The following ADAMTS12 variants were observed in gnomAD, a reference collection of about 807,000 sequenced individuals.
The protein encoded by ADAMTS12 is A disintegrin and metalloproteinase with thrombospondin motifs 12.
In ADAMTS12, 118 loss-of-function variants were observed where a neutral mutation model predicts 167.8. That is an observed-to-expected ratio of 0.70 (90% CI 0.61 to 0.82). The LOEUF is 0.82. Among genes scored for constraint, ADAMTS12 ranks in the 40% least tolerant of loss-of-function variants. ADAMTS12 has a pLI of 0.00. For synonymous variants in ADAMTS12, 704 were observed against 716.9 expected, an observed-to-expected ratio of 0.98 and a Z score of 0.29; for missense variants, 1,916 against 1,998.8, an observed-to-expected ratio of 0.96 and a Z score of 0.79.
At chr5:33,767,334 T>TA (rs1213588251) in intron 2 of ADAMTS12, among the ~76,000 whole-genome samples, 1 of 152,204 alleles carries the variant, frequency 6.6e-6, no homozygotes, top group Non-Finnish European at 1.5e-5. Context: ...CCACATCAGA[T>TA]ATATATTTCT....
intron 16 of ADAMTS12, among the ~76,000 whole-genome samples, chr5:33,600,106 G>A (rs1358792389): frequency 6.6e-6 from 1 of 152,104 alleles, no homozygotes; most frequent in African/African-American, 2.4e-5. Context: ...CTGTTTATCT[G>A]GAAGCACTTA....
intron 16 of ADAMTS12, among the ~76,000 whole-genome samples, chr5:33,608,437 A>T (rs556466385): frequency 2.0e-5 from 3 of 152,340 alleles, no homozygotes; most frequent in African/African-American, 7.2e-5. Context: ...GTCTTTTTAC[A>T]GATGTGCTTA....
At position 33,624,094 on chromosome 5, in the gene ADAMTS12, G is replaced by C. The variant is rs1353055441; in HGVS notation, c.2143+137C>G. 2.2e-6 allele frequency: 3 copies of C among 1,335,466 alleles called. No homozygotes were observed. In the African/African-American group the frequency reaches 4.4e-5, roughly 20 times the overall value. 82.7% of individuals were successfully genotyped at this position (1,335,466 alleles called of 1,614,324 possible). A position where few individuals can be genotyped will look rare whatever the true frequency, so the allele number is the denominator to read the frequency against. ...GAACCCTTCCTCCTTTGTGGTAAAG[G>C]CTATATTCCATTTTGAATACTTTGA... is the stretch of plus-strand genomic sequence containing the variant. On this transcript the variant is annotated intron_variant, in intron 14 of 23. Coordinates refer to ENST00000504830, the MANE Select transcript of ADAMTS12 (RefSeq NM_030955.4).
chr5:33,574,255 C>T (rs1746548473), intron 19 of ADAMTS12, among the ~76,000 whole-genome samples: 2 of 151,676 alleles, frequency 1.3e-5, no homozygotes, highest in South Asian at 4.2e-4. Flanking sequence ...GGGTATATAC[C>T]CAAAGGACTA....
In ADAMTS12 at chr5:33,843,321, G is replaced by C. The variant is rs931738917; in HGVS notation, c.489+37798C>G. ...CACAGTGCTAGGTTCCTGAGCCTGAGCAAGCTAAGGTGGACAGCCCCAGAG... is the reference window on the plus strand; with the variant it reads ...CACAGTGCTAGGTTCCTGAGCCTGACCAAGCTAAGGTGGACAGCCCCAGAG... On this transcript the variant is annotated intron_variant, in intron 2 of 23. Coordinates refer to ENST00000504830, the MANE Select transcript of ADAMTS12 (RefSeq NM_030955.4). Among the ~76,000 whole-genome samples, 4 of 152,246 alleles carry C rather than the reference G, an allele frequency of 2.6e-5. No homozygotes were observed. The South Asian group carries it at 8.3e-4, about 32-fold the overall frequency.
chr5:33,618,226 T>A (rs926427030), intron 14 of ADAMTS12, among the ~76,000 whole-genome samples: 1 of 152,186 alleles, frequency 6.6e-6, no homozygotes, highest in Non-Finnish European at 1.5e-5. Flanking sequence ...TGGATCCTCA[T>A]AAAGACCTTC....
At chr5:33,547,344 G>A (rs1745033920) in intron 21 of ADAMTS12, among the ~76,000 whole-genome samples, 1 of 151,984 alleles carries the variant, frequency 6.6e-6, no homozygotes, top group South Asian at 2.1e-4. Context: ...CCATTCTCGG[G>A]GTGGGACCTA....
intron 3 of ADAMTS12, among the ~76,000 whole-genome samples, chr5:33,748,822 G>T (rs1744880640): frequency 6.6e-6 from 1 of 152,102 alleles, no homozygotes; most frequent in South Asian, 2.1e-4. Flanking sequence ...TCTCTGCAGG[G>T]CAATATGGTA....
At position 33,534,943 on chromosome 5, in the gene ADAMTS12, A is replaced by G. The variant is rs376925681; in HGVS notation, c.4496T>C (p.Val1499Ala). ...GGFQKRTVQCVPSEGNKTEDQ... is the reference protein window; with the variant it reads ...GGFQKRTVQCAPSEGNKTEDQ... Reference sequence around the variant, plus strand: ...TTCAGTTTTATTGCCCTCTGAGGGCACACATTGGACAGTCCTCTTCTGAAA... The same window carrying G: ...TTCAGTTTTATTGCCCTCTGAGGGCGCACATTGGACAGTCCTCTTCTGAAA... The change falls in exon 23 of 24, where the codon GTG (valine) becomes GCG (alanine). Residue 1499 changes from valine (V) to alanine (A), a missense_variant. Physicochemically the swap from Val to Ala is moderately conservative, Grantham distance 64. Transcript: ENST00000504830. The G allele has an allele frequency of 5.0e-5, 80 of 1,613,760 alleles. No individual in the cohort carries two copies. The Middle Eastern group carries it at 8.2e-4, about 17-fold the overall frequency.
intron 22 of ADAMTS12, among the ~76,000 whole-genome samples, chr5:33,537,187 A>G (rs1561108445): frequency 6.6e-6 from 1 of 152,258 alleles, no homozygotes; most frequent in African/African-American, 2.4e-5. Flanking sequence ...ACAGATAAAC[A>G]TTCTAGCAAA....
At chr5:33,699,572 T>C (rs1742921686) in intron 3 of ADAMTS12, among the ~76,000 whole-genome samples, 2 of 152,158 alleles carry the variant, frequency 1.3e-5, no homozygotes, top group Non-Finnish European at 2.9e-5. Flanking sequence ...TTAAAATTAC[T>C]TTCTCTGCCC....
rs1744640772 is a variant in ADAMTS12 at position 33,742,774 on chromosome 5, A to G, written c.634+8630T>C. Among the ~76,000 whole-genome samples the G allele has an allele frequency of 2.0e-5, 3 of 149,492 alleles. No individual in the cohort carries two copies. The South Asian group carries it at 6.2e-4, about 31-fold the overall frequency. ...ATTTACTCATTCATTCATTCATTCA[A>G]CATTTACCAGATGCTCATGACTATG... On this transcript the variant is annotated intron_variant, in intron 3 of 23. Coordinates refer to ENST00000504830, the MANE Select transcript of ADAMTS12 (RefSeq NM_030955.4).
chr5:33,768,136 G>A (rs1185279356), intron 2 of ADAMTS12, among the ~76,000 whole-genome samples: 1 of 152,192 alleles, frequency 6.6e-6, no homozygotes, highest in African/African-American at 2.4e-5. Flanking sequence ...CTGCTGTGCT[G>A]GGCAAGAGGC....
intron 22 of ADAMTS12, among the ~76,000 whole-genome samples, chr5:33,538,069 C>T (rs940454419): frequency 1.3e-5 from 2 of 152,162 alleles, no homozygotes; most frequent in Non-Finnish European, 2.9e-5. Context: ...TGGCCTTCAC[C>T]TCATGCCATG....
intron 2 of ADAMTS12, among the ~76,000 whole-genome samples, chr5:33,776,395 C>G (rs956276456): frequency 2.0e-5 from 3 of 152,070 alleles, no homozygotes; most frequent in African/African-American, 7.2e-5. Flanking sequence ...TGGTATGAAA[C>G]TGGAAATTAA....
chr5:33,607,525 GT>G (rs1319921313), intron 16 of ADAMTS12, among the ~76,000 whole-genome samples: 1 of 152,030 alleles, frequency 6.6e-6, no homozygotes, highest in African/African-American at 2.4e-5. Flanking sequence ...TTTTACAATA[GT>G]TTTTTTCTAG....
At chr5:33,804,267 A>C (rs1436186642) in intron 2 of ADAMTS12, among the ~76,000 whole-genome samples, 3 of 152,170 alleles carry the variant, frequency 2.0e-5, no homozygotes, top group Non-Finnish European at 4.4e-5. Context: ...CTTTGGGCTC[A>C]TCTATGTGAC....
At chr5:33,603,806 T>C (rs1336301880) in intron 16 of ADAMTS12, 1 of 152,176 alleles carries the variant, frequency 6.6e-6, no homozygotes, top group Non-Finnish European at 1.5e-5. Context: ...GTTCCAAATG[T>C]GTAACAGTAA....
At chr5:33,661,294 A>G (rs1402966736) in intron 6 of ADAMTS12, among the ~76,000 whole-genome samples, 1 of 152,232 alleles carries the variant, frequency 6.6e-6, no homozygotes. Flanking sequence ...AGAGTTGATC[A>G]AGAAAGTTCA....
Sources: gnomAD v4.1 joint callset for allele counts (sites outside exome capture counted in the v4.1 genomes callset) on GRCh38, gnomAD v4.1.1 for gene constraint, MANE v1.5 for transcripts, NCBI Gene and HGNC (gene_info 2026-07-23, HGNC 2026-07-21) for gene names.